Variants in ARVCF observed in about 807,000 individuals in gnomAD.
ARVCF encodes the protein splicing regulator ARVCF.
In ARVCF, 66 loss-of-function variants were observed where a neutral mutation model predicts 90.9. That is an observed-to-expected ratio of 0.73 (90% CI 0.60 to 0.89). The LOEUF is 0.89. Among genes scored for constraint, ARVCF ranks in the 40% least tolerant of loss-of-function variants. The probability of loss-of-function intolerance (pLI) is 0.00; values close to 1 mark genes in which losing one functional copy is unlikely to be tolerated. For missense variants in ARVCF, 1,469 were observed against 1,382.3 expected, an observed-to-expected ratio of 1.06 and a Z score of -1.00; for synonymous variants, 653 against 603.4, an observed-to-expected ratio of 1.08 and a Z score of -1.21.
At chr22:19,976,749 G>C (rs1356113069) in intron 9 of ARVCF, 26 bp from the exon 10 acceptor site, 2 of 1,557,328 alleles carry the variant, frequency 1.3e-6, no homozygotes, top group South Asian at 1.2e-5. Flanking sequence ...AAGCAGAGGA[G>C]AGAGGAGAGG....
At chr22:19,967,625 T>C (rs757082105), downstream of ARVCF, 14 of 329,396 alleles carry the variant, frequency 4.3e-5, no homozygotes, top group Non-Finnish European at 7.7e-5. Flanking sequence ...CCCAGAGGCA[T>C]GTGGGGTCGG....
intron 1 of ARVCF, among the ~76,000 whole-genome samples, chr22:20,013,043 G>A (rs781126400): frequency 3.0e-4 from 45 of 152,252 alleles, no homozygotes; most frequent in Non-Finnish European, 3.5e-4. Flanking sequence ...CTCTATGAGC[G>A]CGAGGTGACA....
chr22:20,015,385 A>G (rs1373539931), intron 1 of ARVCF, among the ~76,000 whole-genome samples: 1 of 152,144 alleles, frequency 6.6e-6, no homozygotes, highest in Non-Finnish European at 1.5e-5. Context: ...CGCCTGATCT[A>G]AGGCCTGGAT....
chr22:20,015,763 G>A lies in ARVCF; in HGVS notation c.-73+826C>T, dbSNP rs559863037. Among the ~76,000 whole-genome samples the A allele has an allele frequency of 3.3e-5, 5 of 152,298 alleles. No individual in the cohort carries two copies. The South Asian group carries it at 1.0e-3, about 32-fold the overall frequency. ...GCCTACTCTAAAAAATACCCACGGG[G>A]CACCTTTCTTTTCCTTATTTCTAAA... On this transcript the variant is annotated intron_variant, in intron 1 of 19. Coordinates refer to ENST00000263207, the MANE Select transcript of ARVCF (RefSeq NM_001670.3).
At chr22:20,015,153 G>A (rs565726486) in intron 1 of ARVCF, among the ~76,000 whole-genome samples, 37 of 152,358 alleles carry the variant, frequency 2.4e-4, no homozygotes, top group African/African-American at 8.7e-4. Context: ...GGGCAGCTCA[G>A]CCAAGAGCTG....
intron 2 of ARVCF, among the ~76,000 whole-genome samples, chr22:20,009,292 G>A (rs764507444): frequency 9.9e-5 from 15 of 152,244 alleles, no homozygotes; most frequent in Non-Finnish European, 2.1e-4. Flanking sequence ...AGCAGACCCA[G>A]CTCCCACTAG....
chr22:19,991,424 G>C (rs1944021797), intron 2 of ARVCF, among the ~76,000 whole-genome samples: 1 of 152,248 alleles, frequency 6.6e-6, no homozygotes, highest in South Asian at 2.1e-4. Flanking sequence ...ATCCACATTG[G>C]CCAGAAACAA....
At chr22:20,015,813 G>A (rs1342391469) in intron 1 of ARVCF, among the ~76,000 whole-genome samples, 1 of 152,228 alleles carries the variant, frequency 6.6e-6, no homozygotes, top group Admixed American at 6.5e-5. Flanking sequence ...GGGAAAGGGA[G>A]CTGAAGTCCT....
intron 2 of ARVCF, among the ~76,000 whole-genome samples, chr22:20,000,250 CT>C (rs1307128359): frequency 6.6e-6 from 1 of 152,220 alleles, no homozygotes; most frequent in Non-Finnish European, 1.5e-5. Flanking sequence ...GAGCTGGCTG[CT>C]CCCAGGGTGC....
chr22:19,998,581 C>T (rs1390921082), intron 2 of ARVCF, among the ~76,000 whole-genome samples: 1 of 152,176 alleles, frequency 6.6e-6, no homozygotes, highest in African/African-American at 2.4e-5. Flanking sequence ...GCAGAGACAG[C>T]ACCGAGAAGC....
chr22:19,965,694 C>T (rs1942354466), downstream of ARVCF: 1 of 152,312 alleles, frequency 6.6e-6, no homozygotes, highest in Non-Finnish European at 1.5e-5. Context: ...GGAAAGATCC[C>T]TGTCAGCCTT....
chr22:19,985,294 C>T (rs1943706947), intron 3 of ARVCF, among the ~76,000 whole-genome samples: 1 of 152,214 alleles, frequency 6.6e-6, no homozygotes, highest in Non-Finnish European at 1.5e-5. Flanking sequence ...CTTGGCTCTT[C>T]AATCTCTGGT....
chr22:20,006,036 A>C lies in ARVCF; in HGVS notation c.-19+4419T>G, dbSNP rs900417319. ...CAGTCACAAAAAGACAGATACTGTG[A>C]GATTCTATTTATGTAAGGCATCTAA... On this transcript the variant is annotated intron_variant, in intron 2 of 19. Coordinates refer to ENST00000263207, the MANE Select transcript of ARVCF (RefSeq NM_001670.3). Among the ~76,000 whole-genome samples the C allele has an allele frequency of 3.3e-5, 5 of 152,216 alleles. No homozygotes were observed. The South Asian group carries it at 6.2e-4, about 19-fold the overall frequency.
chr22:19,973,234 T>C lies in ARVCF; in HGVS notation c.2323A>G (p.Thr775Ala), dbSNP rs778661191. The C allele has an allele frequency of 8.1e-6, 13 of 1,610,742 alleles. No individual in the cohort carries two copies. The highest frequency in any genetic ancestry group is 1.1e-5 in the Non-Finnish European group (13 of 1,179,220). Residue 775 changes from threonine (T) to alanine (A), a missense_variant, in exon 14 of 20, where the codon ACC (threonine) becomes GCC (alanine). By Grantham distance (58) the Thr-to-Ala change is moderately conservative. Transcript: ENST00000263207. ...PRPGACLEED[T>A]VVAVLNTIHE... ...ATGGTGTTGAGCACCGCCACCACGG[T>C]GTCTTCCTCCAGGCAGGCCCCCGGT... is the stretch of plus-strand genomic sequence containing the variant.
chr22:19,989,775 CGCA>C (rs1304076114), intron 3 of ARVCF, among the ~76,000 whole-genome samples: 1 of 152,018 alleles, frequency 6.6e-6, no homozygotes, highest in Non-Finnish European at 1.5e-5. Flanking sequence ...ACCCAGAGGC[CGCA>C]GCAGGAGGCA....
chr22:20,003,327 A>G (rs995297068), intron 2 of ARVCF, among the ~76,000 whole-genome samples: 4 of 152,230 alleles, frequency 2.6e-5, no homozygotes. Context: ...TCCCAAAAAT[A>G]AAGAGGAAGG....
chr22:19,998,306 C>T (rs1384505177), intron 2 of ARVCF, among the ~76,000 whole-genome samples: 1 of 152,376 alleles, frequency 6.6e-6, no homozygotes, highest in Middle Eastern at 3.4e-3. Flanking sequence ...TGGAAACACC[C>T]AGGCTTCTCC....
rs35219372 is a variant in ARVCF, at chr22:19,971,288, C to T, written c.2829G>A (p.Ala943=). 37,031 of 1,557,012 alleles carry T rather than the reference C, an allele frequency of 0.024. 536 individuals carry two copies. Among genetic ancestry groups the T allele is most frequent in the Non-Finnish European group, 0.029 (33,344 of 1,149,766 alleles). Residue 943 remains alanine, a synonymous_variant, in exon 19 of 20, where the codon GCG becomes GCA. Coordinates refer to ENST00000263207, the MANE Select transcript of ARVCF (RefSeq NM_001670.3). ...KAPPPGPSRP[A]VRLVDAVGDA... The stretch of plus-strand genomic sequence containing the variant: ...CCCCTACGGCGTCCACCAGCCTGAC[C>T]GCGGGCCTGCTGGGCCCGGGGGGAG...
intron 2 of ARVCF, among the ~76,000 whole-genome samples, chr22:20,001,879 A>C (rs1455686985): frequency 6.6e-6 from 1 of 152,242 alleles, no homozygotes; most frequent in Non-Finnish European, 1.5e-5. Context: ...CAGAGGCAGT[A>C]AACAGCAGAC....
Sources: allele counts gnomAD v4.1 joint callset (sites outside exome capture counted in the v4.1 genomes callset), GRCh38; gene constraint gnomAD v4.1.1; transcripts MANE v1.5; gene names NCBI Gene and HGNC (gene_info 2026-07-23, HGNC 2026-07-21).